TKT: variants seen among roughly 807,000 people sequenced by gnomAD.
TKT encodes epididymis luminal protein 107.
In TKT, 47 loss-of-function variants were observed where a neutral mutation model predicts 63.9. The ratio of observed to expected loss-of-function variants is 0.74; its 90% CI spans 0.58 to 0.94. The LOEUF is 0.94. Among genes scored for constraint, TKT ranks in the 40% least tolerant of loss-of-function variants. The pLI, the probability that TKT is intolerant of heterozygous loss-of-function variation, is 0.00. For synonymous variants in TKT, 338 were observed against 334.1 expected (o/e 1.01, Z -0.13); for missense variants, 721 against 846.2 (o/e 0.85, Z 1.84).
intron 1 of TKT, among the ~76,000 whole-genome samples, chr3:53,253,322 C>A (rs1170573418): frequency 3.3e-5 from 5 of 151,934 alleles, no homozygotes; most frequent in Admixed American, 2.6e-4. Context: ...CTCTTTCTTT[C>A]TTTTGAGACA....
At chr3:53,252,694 A>C (rs1236217156) in intron 1 of TKT, among the ~76,000 whole-genome samples, 1 of 151,838 alleles carries the variant, frequency 6.6e-6, no homozygotes, top group African/African-American at 2.4e-5. Flanking sequence ...TTGACATTCC[A>C]CTCTTTTGGA....
chr3:53,231,227 C>A, intron 7 of TKT, 130 bp downstream of exon 7: 1 of 1,029,128 alleles, frequency 9.7e-7, no homozygotes, highest in Non-Finnish European at 1.4e-6. Flanking sequence ...GGAACAACAC[C>A]TCAGGGATCA....
chr3:53,252,369 G>A (rs147666677), intron 1 of TKT, among the ~76,000 whole-genome samples: 1 of 152,184 alleles, frequency 6.6e-6, no homozygotes, highest in East Asian at 1.9e-4. Context: ...TTAGCTTTTG[G>A]GTGCAAACAC....
At chr3:53,226,933 C>CCCTGGTGGGGG (rs1313624405) in intron 12 of TKT, 55 bp from the exon 13 acceptor site, 1 of 1,550,124 alleles carries the variant, frequency 6.5e-7, no homozygotes, top group South Asian at 1.2e-5. Flanking sequence ...CCACTATCTG[C>CCCTGGTGGGGG]CCTGGTGGGG....
intron 5 of TKT, chr3:53,233,755 G>T (rs1364626766): frequency 6.6e-6 from 1 of 152,556 alleles, no homozygotes; most frequent in Non-Finnish European, 1.5e-5. Context: ...ATACAGGAAG[G>T]AGCTGGGGCA....
Position 53,231,505 on chromosome 3 carries a change from T to C in TKT, c.794A>G (p.Asn265Ser). 1 of 1,613,992 alleles carries C rather than the reference T, an allele frequency of 6.2e-7. No homozygotes were observed. The highest frequency in any genetic ancestry group is 1.3e-5 in the African/African-American group (1 of 74,968). Residue 265 changes from asparagine to serine, a missense_variant, in exon 7 of 14, where the codon AAC becomes AGC. Transcript: ENST00000462138. The stretch of plus-strand genomic sequence containing the variant: ...CTCCTGGATGATCTGCTCAGCCATG[T>C]TTTTGGGGAGGGGCTTCCCATGCCA... ...ESWHGKPLPK[N>S]MAEQIIQEIY...
At chr3:53,245,198 C>T (rs7649481) in intron 1 of TKT, among the ~76,000 whole-genome samples, 13,929 of 150,830 alleles carry the variant, frequency 0.092, 2,165 homozygotes, top group African/African-American at 0.32. Context: ...CCCAGCTACT[C>T]GGGAAGCTGA....
rs377370296 is a variant in TKT at position 53,230,416 on chromosome 3, C to G, written c.1107+41G>C. 3.1e-6 allele frequency: 5 copies of G among 1,613,014 alleles called. No homozygotes were observed. The African/African-American group carries it at 6.7e-5, about 22-fold the overall frequency. On this transcript the variant is annotated intron_variant, in intron 8 of 13. Transcript: ENST00000462138. ...CCCGCACCCCTCAGACCACAGCCCTCAGCCTTGGGTGGACCTGTCCCTGCC... is the reference window on the plus strand; with the variant it reads ...CCCGCACCCCTCAGACCACAGCCCTGAGCCTTGGGTGGACCTGTCCCTGCC...
In TKT at chr3:53,235,030, T is replaced by C. The variant is rs1051485; in HGVS notation, c.582A>G (p.Pro194=). 0.19 allele frequency: 311,821 copies of C among 1,613,630 alleles called. 31,551 individuals carry two copies. The highest frequency in any genetic ancestry group is 0.29 in the South Asian group (26,564 of 91,046). The change falls in exon 5 of 14, where the codon CCA becomes CCG. Residue 194 remains proline (P), a synonymous_variant. Coordinates refer to ENST00000462138, the MANE Select transcript of TKT (RefSeq NM_001064.4). ...INRLGQSDPA[P]LQHQMDIYQK... ...GGTAGATGTCCATCTGGTGCTGCAG[T>C]GGGGCCGGGTCACTCTGGCCCAGGC... is the stretch of plus-strand genomic sequence containing the variant.
Position 53,240,315 on chromosome 3 carries a change from G to A in TKT, c.373C>T (p.Leu125=), listed in dbSNP as rs782142930. The change falls in exon 4 of 14, where the codon CTG becomes TTG. Residue 125 remains leucine (L), a synonymous_variant. Transcript: ENST00000462138. ...QAFTDVATGS[L]GQGLGAACGM... Reference sequence around the variant, plus strand: ...CAAGCGGCCCCGAGGCCCTGGCCCAGGGAGCCAGTGGCCACGTCGGTGAAA... The same window carrying A: ...CAAGCGGCCCCGAGGCCCTGGCCCAAGGAGCCAGTGGCCACGTCGGTGAAA... The A allele has an allele frequency of 1.9e-6, 3 of 1,613,140 alleles. No homozygotes were observed. Among genetic ancestry groups the A allele is most frequent in the African/African-American group, 1.3e-5 (1 of 75,052 alleles).
intron 12 of TKT, chr3:53,227,720 T>C (rs2106658185): frequency 3.9e-6 from 1 of 255,258 alleles, no homozygotes; most frequent in East Asian, 1.0e-4. Flanking sequence ...ATGGTGACAG[T>C]GAATAACTTA....
chr3:53,240,746 G>A (rs1187646493), intron 3 of TKT, among the ~76,000 whole-genome samples: 1 of 152,208 alleles, frequency 6.6e-6, no homozygotes, highest in Non-Finnish European at 1.5e-5. Context: ...AGGGATGCCA[G>A]ATGGCACCCC....
intron 1 of TKT, among the ~76,000 whole-genome samples, chr3:53,246,573 C>A (rs1404563974): frequency 6.6e-6 from 1 of 152,094 alleles, no homozygotes; most frequent in Non-Finnish European, 1.5e-5. Context: ...GGAAAACAGG[C>A]CAGGTGCGGT....
chr3:53,246,278 C>A (rs555570786), intron 1 of TKT, among the ~76,000 whole-genome samples: 183 of 152,058 alleles, frequency 1.2e-3, no homozygotes, highest in African/African-American at 4.4e-3. Flanking sequence ...AGGAAAAAAA[C>A]AACAACAACA....
chr3:53,250,017 G>A (rs1553681437), intron 1 of TKT, among the ~76,000 whole-genome samples: 2 of 152,218 alleles, frequency 1.3e-5, no homozygotes, highest in African/African-American at 4.8e-5. Context: ...CCACGACAAA[G>A]TCTCAGCCAG....
chr3:53,243,382 A>AGACAC (rs1211978024), intron 1 of TKT, among the ~76,000 whole-genome samples: 2 of 151,942 alleles, frequency 1.3e-5, no homozygotes, highest in Admixed American at 6.5e-5. Context: ...CTTCACACGA[A>AGACAC]GACACGCCGC....
chr3:53,244,787 C>T (rs889121646), intron 1 of TKT, among the ~76,000 whole-genome samples: 1 of 150,282 alleles, frequency 6.7e-6, no homozygotes, highest in African/African-American at 2.5e-5. Context: ...TGAACACTGG[C>T]GAGAGATGGG....
Position 53,228,570 on chromosome 3 carries a change from G to T in TKT, c.1396-211C>A, listed in dbSNP as rs1230625912. ...GCCCACCACCTTGCAGCCTCAGACC[G>T]AAGGCAACTTTCCACCAGGTAGACT... On this transcript the variant is annotated intron_variant, in intron 10 of 13. Coordinates refer to ENST00000462138, the MANE Select transcript of TKT (RefSeq NM_001064.4). 3.5e-5 allele frequency: 20 copies of T among 576,266 alleles called. No homozygotes were observed. In the Admixed American group the frequency reaches 4.8e-4, roughly 14 times the overall value. The allele number at this position is 576,266 out of a possible 1,614,324, so 35.7% of individuals were successfully genotyped here.
chr3:53,235,236 C>A (rs149738628), intron 4 of TKT, 62 bp from the exon 5 acceptor site: 10 of 1,389,990 alleles, frequency 7.2e-6, no homozygotes, highest in African/African-American at 1.5e-5. Context: ...CTCCCACCCC[C>A]CCACCCATCC....
Sources: gnomAD v4.1 joint callset for allele counts (sites outside exome capture counted in the v4.1 genomes callset) on GRCh38, gnomAD v4.1.1 for gene constraint, MANE v1.5 for transcripts, NCBI Gene and HGNC (gene_info 2026-07-23, HGNC 2026-07-21) for gene names.